Variants in TAFA1 observed in about 807,000 individuals in gnomAD.
TAFA1 encodes TAFA chemokine like family member 1, also known as chemokine-like protein TAFA-1.
In TAFA1, 4 loss-of-function variants were observed where a neutral mutation model predicts 18.5. The observed-to-expected ratio is 0.22, with a 90% CI of 0.11 to 0.49. The LOEUF (loss-of-function observed/expected upper bound fraction) is 0.49, where lower values mean the gene tolerates loss of function less well. Ranked by LOEUF, TAFA1 falls within the 20% of genes least tolerant of loss-of-function variation. The probability of loss-of-function intolerance (pLI) is 0.98; values close to 1 mark genes in which losing one functional copy is unlikely to be tolerated. For synonymous variants in TAFA1, 56 were observed against 55.2 expected, an observed-to-expected ratio of 1.01 and a Z score of -0.06; for missense variants, 147 against 169.0, an observed-to-expected ratio of 0.87 and a Z score of 0.72.
chr3:68,520,253 T>A (rs934765655), intron 3 of TAFA1, among the ~76,000 whole-genome samples: 1 of 152,226 alleles, frequency 6.6e-6, no homozygotes, highest in Non-Finnish European at 1.5e-5. Flanking sequence ...ATTTTCAGAC[T>A]CTGTCCCTGT....
At chr3:68,215,982 A>G (rs186757766) in intron 2 of TAFA1, among the ~76,000 whole-genome samples, 1 of 152,206 alleles carries the variant, frequency 6.6e-6, no homozygotes, top group East Asian at 1.9e-4. Context: ...TCAGCCAAAA[A>G]GATAAATGAG....
intron 3 of TAFA1, among the ~76,000 whole-genome samples, chr3:68,443,168 C>A (rs73111023): frequency 6.6e-6 from 1 of 151,994 alleles, no homozygotes; most frequent in Admixed American, 6.6e-5. Flanking sequence ...AGGGGTTCCA[C>A]CTTGTTGCAA....
intron 2 of TAFA1, among the ~76,000 whole-genome samples, chr3:68,125,192 A>G (rs943698797): frequency 1.3e-5 from 2 of 152,168 alleles, no homozygotes; most frequent in African/African-American, 4.8e-5. Flanking sequence ...CCCTGGGTGA[A>G]TTTCAGCACA....
intron 2 of TAFA1, among the ~76,000 whole-genome samples, chr3:68,163,571 A>G (rs879461631): frequency 1.3e-5 from 2 of 152,158 alleles, no homozygotes; most frequent in Non-Finnish European, 2.9e-5. Context: ...TAGTGTTATG[A>G]TGCTCCCATA....
intron 2 of TAFA1, among the ~76,000 whole-genome samples, chr3:68,205,206 A>G (rs545755437): frequency 4.9e-4 from 74 of 152,018 alleles, no homozygotes; most frequent in Middle Eastern, 3.4e-3. Context: ...AATTCATTCA[A>G]TAACAAGGGT....
chr3:68,294,493 G>C (rs1049748677), intron 2 of TAFA1, among the ~76,000 whole-genome samples: 2 of 152,118 alleles, frequency 1.3e-5, no homozygotes, highest in African/African-American at 4.8e-5. Context: ...AACAGTAAAA[G>C]TAAAATGCAG....
chr3:68,203,689 C>T (rs556368617), intron 2 of TAFA1, among the ~76,000 whole-genome samples: 2 of 151,606 alleles, frequency 1.3e-5, no homozygotes, highest in East Asian at 2.0e-4. Flanking sequence ...TATCTTTTCT[C>T]ACATGCAAAA....
intron 2 of TAFA1, among the ~76,000 whole-genome samples, chr3:68,326,946 C>A (rs752825694): frequency 9.2e-5 from 14 of 152,140 alleles, no homozygotes; most frequent in Non-Finnish European, 2.1e-4. Context: ...TGTCCCCACC[C>A]AAATCTCATT....
intron 2 of TAFA1, among the ~76,000 whole-genome samples, chr3:68,016,439 T>C (rs960952110): frequency 1.3e-5 from 2 of 152,208 alleles, no homozygotes; most frequent in East Asian, 1.9e-4. Context: ...TGGGGGTTTG[T>C]TGTATAGATT....
At chr3:68,181,855 G>A (rs2066206070) in intron 2 of TAFA1, among the ~76,000 whole-genome samples, 3 of 152,146 alleles carry the variant, frequency 2.0e-5, no homozygotes, top group African/African-American at 7.2e-5. Context: ...GCAGAGCAGA[G>A]CTAAAACATT....
intron 2 of TAFA1, among the ~76,000 whole-genome samples, chr3:68,139,047 G>A (rs1292163635): frequency 6.6e-6 from 1 of 152,070 alleles, no homozygotes; most frequent in Non-Finnish European, 1.5e-5. Flanking sequence ...CAGGCAGATT[G>A]TTTTTGTCCT....
intron 2 of TAFA1, among the ~76,000 whole-genome samples, chr3:68,311,913 C>A (rs2131043): frequency 0.052 from 7,993 of 152,282 alleles, 695 homozygotes; most frequent in African/African-American, 0.18. Flanking sequence ...CCATGAGGGG[C>A]ATGCCCCTGC....
intron 2 of TAFA1, among the ~76,000 whole-genome samples, chr3:68,397,090 A>C (rs1407880414): frequency 2.6e-5 from 4 of 152,162 alleles, no homozygotes; most frequent in Admixed American, 2.6e-4. Flanking sequence ...AAAAAGGAGA[A>C]AGGTGCTGTT....
chr3:68,360,324 A>G (rs1206289132), intron 2 of TAFA1, among the ~76,000 whole-genome samples: 1 of 152,006 alleles, frequency 6.6e-6, no homozygotes, highest in Non-Finnish European at 1.5e-5. Context: ...ACTATTTAGT[A>G]GAATATAGGT....
At chr3:68,218,563 C>T (rs1442449674) in intron 2 of TAFA1, among the ~76,000 whole-genome samples, 1 of 152,058 alleles carries the variant, frequency 6.6e-6, no homozygotes, top group East Asian at 1.9e-4. Flanking sequence ...CCTGGTCCTA[C>T]AGGTATCCAG....
At position 68,194,922 on chromosome 3, in the gene TAFA1, A is replaced by G. The variant is rs536081852; in HGVS notation, c.118+188178A>G. On this transcript the variant is annotated intron_variant, in intron 2 of 4. Coordinates refer to ENST00000478136, the MANE Select transcript of TAFA1 (RefSeq NM_213609.4). ...GTCATCATCGTCATTATCAGTACTAACTAGTAATAGTTGTCTTCTCCCACA... is the reference window on the plus strand; with the variant it reads ...GTCATCATCGTCATTATCAGTACTAGCTAGTAATAGTTGTCTTCTCCCACA... 4.7e-4 allele frequency among the ~76,000 whole-genome samples: 72 copies of G among 151,708 alleles called. 1 individual carries two copies. In the South Asian group the frequency reaches 0.015, roughly 31 times the overall value.
intron 2 of TAFA1, among the ~76,000 whole-genome samples, chr3:68,259,944 A>G (rs1183957833): frequency 1.2e-4 from 18 of 151,248 alleles, no homozygotes; most frequent in African/African-American, 3.1e-4. Flanking sequence ...TCTCCTGCCT[A>G]ATTGCCCTGG....
intron 3 of TAFA1, among the ~76,000 whole-genome samples, chr3:68,531,894 A>T (rs1028470359): frequency 2.0e-5 from 3 of 152,214 alleles, no homozygotes; most frequent in African/African-American, 7.2e-5. Flanking sequence ...AGACTGAGGT[A>T]ATACATTTAA....
chr3:68,075,574 C>G (rs34859662), intron 2 of TAFA1, among the ~76,000 whole-genome samples: 1 of 152,110 alleles, frequency 6.6e-6, no homozygotes, highest in African/African-American at 2.4e-5. Flanking sequence ...AAGATGTTGT[C>G]TAAGTTAGTC....
Sources: gnomAD v4.1 joint callset for allele counts (sites outside exome capture counted in the v4.1 genomes callset) on GRCh38, gnomAD v4.1.1 for gene constraint, MANE v1.5 for transcripts, NCBI Gene and HGNC (gene_info 2026-07-23, HGNC 2026-07-21) for gene names.